Variants in ATP8A1 observed in about 807,000 individuals in gnomAD.
The protein encoded by ATP8A1 is ATPase phospholipid transporting 8A1.
Under a neutral mutation model 177.7 loss-of-function variants are expected in ATP8A1, and 90 were observed. The ratio of observed to expected loss-of-function variants is 0.51; its 90% CI spans 0.43 to 0.60. The LOEUF (loss-of-function observed/expected upper bound fraction) is 0.60. ATP8A1 is among the 20% of genes least tolerant of loss of function. The pLI, the probability that ATP8A1 is intolerant of heterozygous loss-of-function variation, is 0.00. For missense variants in ATP8A1, 1,072 were observed against 1,392.8 expected (o/e 0.77, Z 3.67); for synonymous variants, 493 against 485.9 (o/e 1.01, Z -0.19).
At chr4:42,444,440 C>T (rs923941841) in intron 32 of ATP8A1, 138 bp downstream of exon 32, 5 of 762,628 alleles carry the variant, frequency 6.6e-6, no homozygotes, top group Non-Finnish European at 1.0e-5. Context: ...CTACCCCTGA[C>T]ACCCCACAAT....
chr4:42,571,897 A>C (rs1731942865), intron 14 of ATP8A1, among the ~76,000 whole-genome samples: 1 of 152,216 alleles, frequency 6.6e-6, no homozygotes, highest in Non-Finnish European at 1.5e-5. Flanking sequence ...AAATTTATTA[A>C]AATTAAATTC....
intron 32 of ATP8A1, 41 bp downstream of exon 32, chr4:42,444,537 T>C: frequency 6.3e-7 from 1 of 1,575,786 alleles, no homozygotes; most frequent in Non-Finnish European, 8.7e-7. Context: ...AATGCACAAG[T>C]AAATGTGACA....
At chr4:42,639,014 G>A (rs1439577039) in intron 1 of ATP8A1, among the ~76,000 whole-genome samples, 4 of 152,176 alleles carry the variant, frequency 2.6e-5, no homozygotes, top group Non-Finnish European at 5.9e-5. Context: ...GGCCATGTCA[G>A]ATATGTATTC....
chr4:42,446,575 G>A lies in ATP8A1; in HGVS notation c.2958+8C>T, dbSNP rs779285756. On this transcript the variant is annotated splice_region_variant and intron_variant, in intron 31 of 36. Transcript: ENST00000381668. ...TACACGCAAACGAGACCGACATCCC[G>A]CACTCACAGTGTACACAAAGTTTCC... 42 of 1,612,540 alleles carry A rather than the reference G, an allele frequency of 2.6e-5. No individual in the cohort carries two copies. In the South Asian group the frequency reaches 3.2e-4, roughly 12 times the overall value.
At chr4:42,519,665 G>A (rs1725909880) in intron 22 of ATP8A1, among the ~76,000 whole-genome samples, 1 of 152,176 alleles carries the variant, frequency 6.6e-6, no homozygotes, top group Non-Finnish European at 1.5e-5. Context: ...ACCAAATGAA[G>A]CTCCAGTTTC....
In ATP8A1 at chr4:42,412,827, A is replaced by G; in HGVS notation, c.*89T>C. On this transcript the variant is annotated 3_prime_UTR_variant, in exon 37 of 37. Coordinates refer to ENST00000381668, the MANE Select transcript of ATP8A1 (RefSeq NM_006095.2). ...TCAGATCTACCTTTCCTCTTCATGG[A>G]CCAGACTGGAATTGGTTAGCAGACT... The G allele has an allele frequency of 9.4e-7, 1 of 1,058,950 alleles. No homozygotes were observed. Among genetic ancestry groups the G allele is most frequent in the South Asian group, 1.4e-5 (1 of 72,952 alleles). The allele number at this position is 1,058,950 out of a possible 1,614,324, so 65.6% of individuals were successfully genotyped here.
At chr4:42,591,759 A>G (rs1392838591) in intron 6 of ATP8A1, among the ~76,000 whole-genome samples, 1 of 152,202 alleles carries the variant, frequency 6.6e-6, no homozygotes, top group Non-Finnish European at 1.5e-5. Flanking sequence ...GAAACACAGT[A>G]ACTTTCAACC....
intron 18 of ATP8A1, among the ~76,000 whole-genome samples, chr4:42,549,766 T>A (rs2153210065): frequency 6.6e-6 from 1 of 151,842 alleles, no homozygotes; most frequent in South Asian, 2.1e-4. Flanking sequence ...ACCACTGCAC[T>A]CCAGCCTGGG....
chr4:42,497,428 T>C (rs1723395120), intron 24 of ATP8A1, among the ~76,000 whole-genome samples: 1 of 152,090 alleles, frequency 6.6e-6, no homozygotes, highest in South Asian at 2.1e-4. Flanking sequence ...AACAAACTTG[T>C]GGGGGAGAAT....
At chr4:42,633,727 A>T (rs113359201) in intron 1 of ATP8A1, among the ~76,000 whole-genome samples, 2 of 152,228 alleles carry the variant, frequency 1.3e-5, no homozygotes, top group African/African-American at 2.4e-5. Context: ...AATGCCTGGC[A>T]CGTAGTAAGA....
intron 33 of ATP8A1, among the ~76,000 whole-genome samples, chr4:42,438,988 C>T (rs553163231): frequency 6.6e-6 from 1 of 152,192 alleles, no homozygotes; most frequent in African/African-American, 2.4e-5. Context: ...TTTCTTTCAA[C>T]ACATTGAGAG....
chr4:42,494,591 C>T (rs1044265253), intron 24 of ATP8A1, among the ~76,000 whole-genome samples: 1 of 152,182 alleles, frequency 6.6e-6, no homozygotes, highest in African/African-American at 2.4e-5. Flanking sequence ...AACCTGTCTT[C>T]TCAATCTAGG....
At chr4:42,591,625 G>C (rs4624693) in intron 6 of ATP8A1, among the ~76,000 whole-genome samples, 49,752 of 151,846 alleles carry the variant, frequency 0.33, 8,213 homozygotes, top group East Asian at 0.48. Context: ...ATAGACATGC[G>C]GAGAATATGG....
At chr4:42,640,264 T>C (rs1560551960) in intron 1 of ATP8A1, among the ~76,000 whole-genome samples, 1 of 152,254 alleles carries the variant, frequency 6.6e-6, no homozygotes, top group Non-Finnish European at 1.5e-5. Flanking sequence ...AGAACATTTC[T>C]GAGAATTCAG....
intron 33 of ATP8A1, among the ~76,000 whole-genome samples, chr4:42,437,257 G>A (rs895199966): frequency 6.6e-6 from 1 of 152,064 alleles, no homozygotes. Flanking sequence ...TTTTAATCTG[G>A]TTTATTAATC....
At chr4:42,435,461 A>AAAAAACAAC (rs1553871738) in intron 33 of ATP8A1, among the ~76,000 whole-genome samples, 31 of 122,370 alleles carry the variant, frequency 2.5e-4, no homozygotes, top group East Asian at 1.0e-3. Context: ...AAAAAAAAAA[A>AAAAAACAAC]AACAAACTAT....
chr4:42,490,211 T>C lies in ATP8A1; in HGVS notation c.2152-4543A>G, dbSNP rs149763000. 5.2e-3 allele frequency among the ~76,000 whole-genome samples: 788 copies of C among 152,332 alleles called. 9 individuals are homozygous for C. Among genetic ancestry groups the C allele is most frequent in the African/African-American group, 0.018 (760 of 41,574 alleles). ...ACAGCACCACACAGACAGAGCCCAGTGCTCACTGGAAGCCCTTAGCCTGAA... is the reference window on the plus strand; with the variant it reads ...ACAGCACCACACAGACAGAGCCCAGCGCTCACTGGAAGCCCTTAGCCTGAA... On this transcript the variant is annotated intron_variant, in intron 24 of 36. Coordinates refer to ENST00000381668, the MANE Select transcript of ATP8A1 (RefSeq NM_006095.2).
intron 27 of ATP8A1, among the ~76,000 whole-genome samples, chr4:42,458,170 T>A (rs1003369466): frequency 7.2e-5 from 11 of 151,864 alleles, no homozygotes; most frequent in Admixed American, 4.6e-4. Flanking sequence ...GTAGTTAATA[T>A]TGGGAACATA....
At chr4:42,449,400 C>T (rs549747642) in intron 30 of ATP8A1, among the ~76,000 whole-genome samples, 2 of 152,284 alleles carry the variant, frequency 1.3e-5, no homozygotes, top group South Asian at 4.1e-4. Flanking sequence ...TGACTACTAG[C>T]ACAGTGGTAC....
Sources: gnomAD v4.1 joint callset for allele counts (sites outside exome capture counted in the v4.1 genomes callset) on GRCh38, gnomAD v4.1.1 for gene constraint, MANE v1.5 for transcripts, NCBI Gene and HGNC (gene_info 2026-07-23, HGNC 2026-07-21) for gene names.